Variants in TESC observed in about 807,000 individuals in gnomAD.
TESC encodes the protein calcineurin B homologous protein 3.
A neutral mutation model predicts 31.0 loss-of-function variants in TESC; 19 were observed. The ratio of observed to expected loss-of-function variants is 0.61; its 90% confidence interval spans 0.43 to 0.90. The LOEUF (loss-of-function observed/expected upper bound fraction) is 0.90, where lower values mean the gene tolerates loss of function less well. Ranked by LOEUF, TESC falls within the 40% of genes least tolerant of loss-of-function variation. The pLI is 0.00. For synonymous variants in TESC, 109 were observed against 114.8 expected (o/e 0.95, Z 0.32); for missense variants, 248 against 303.8 (o/e 0.82, Z 1.36).
At chr12:117,042,090 C>A (rs540390574) in intron 6 of TESC, 96 bp from the exon 7 acceptor site, 1 of 1,259,048 alleles carries the variant, frequency 7.9e-7, no homozygotes. Flanking sequence ...CCCACCAATA[C>A]CCAAATGTAA....
At chr12:117,089,208 G>C (rs1487948268) in intron 1 of TESC, among the ~76,000 whole-genome samples, 1 of 152,190 alleles carries the variant, frequency 6.6e-6, no homozygotes, top group African/African-American at 2.4e-5. Flanking sequence ...AAGTCTCTGT[G>C]GGGCAGGAGA....
intron 1 of TESC, among the ~76,000 whole-genome samples, chr12:117,080,424 C>T (rs1037199709): frequency 1.3e-5 from 2 of 152,140 alleles, no homozygotes; most frequent in Non-Finnish European, 2.9e-5. Context: ...GCCCAGATCG[C>T]ACCACTGCAC....
chr12:117,048,335 T>TA (rs1328574065), intron 4 of TESC, among the ~76,000 whole-genome samples: 3 of 152,222 alleles, frequency 2.0e-5, no homozygotes, highest in Non-Finnish European at 4.4e-5. Context: ...CAGCCCCGCA[T>TA]ACACATTCCA....
intron 1 of TESC, among the ~76,000 whole-genome samples, chr12:117,080,479 A>C (rs1448869043): frequency 2.0e-5 from 3 of 152,196 alleles, no homozygotes; most frequent in African/African-American, 7.2e-5. Context: ...ACACACGTGC[A>C]AATTCACATA....
chr12:117,078,853 T>A (rs577624438), intron 1 of TESC, among the ~76,000 whole-genome samples: 2 of 152,224 alleles, frequency 1.3e-5, no homozygotes, highest in Non-Finnish European at 2.9e-5. Flanking sequence ...TATGTATTAG[T>A]CTTGTAATGA....
At position 117,046,798 on chromosome 12, in the gene TESC, G is replaced by A; in HGVS notation, c.390C>T (p.Ile130=). 6.4e-7 allele frequency: 1 copy of A among 1,569,332 alleles called. No individual in the cohort carries two copies. The highest frequency in any genetic ancestry group is 1.9e-5 in the Admixed American group (1 of 52,912). The change falls in exon 5 of 8, where the codon ATC becomes ATT. Residue 130 remains isoleucine (I), a synonymous_variant. Transcript: ENST00000335209. ...TTACATTTCGATATTCTTCCAGAGT[G>A]ATGCGGCCGTCGCTGTCCGAGTCGT... ...HMYDSDSDGR[I]TLEEYRNVVE... is the part of the protein sequence containing the mutation.
chr12:117,048,615 T>TC (rs1211151664), intron 4 of TESC: 1 of 434,426 alleles, frequency 2.3e-6, no homozygotes, highest in African/African-American at 2.0e-5. Flanking sequence ...AGGGAGCGCT[T>TC]CCTGTGTGCC....
At chr12:117,063,066 T>C (rs141216493) in intron 2 of TESC, among the ~76,000 whole-genome samples, 2,594 of 152,290 alleles carry the variant, frequency 0.017, 37 homozygotes, top group South Asian at 0.039. Context: ...AGGGCTCGCG[T>C]GACATCAAGC....
chr12:117,050,118 A>G (rs916314687), intron 3 of TESC, among the ~76,000 whole-genome samples: 9 of 151,882 alleles, frequency 5.9e-5, no homozygotes, highest in Non-Finnish European at 1.2e-4. Context: ...CACATTTTTA[A>G]ATAGTTGAAA....
At chr12:117,041,888 C>T in intron 7 of TESC, 59 bp downstream of exon 7, 1 of 1,522,212 alleles carries the variant, frequency 6.6e-7, no homozygotes, top group East Asian at 2.5e-5. Flanking sequence ...CCCTCCTGAC[C>T]AGTGGGCCAC....
intron 2 of TESC, 52 bp downstream of exon 2, chr12:117,075,219 A>T: frequency 6.4e-7 from 1 of 1,571,996 alleles, no homozygotes; most frequent in Non-Finnish European, 8.7e-7. Context: ...CAGGACAAGA[A>T]ATTTGCAAGG....
intron 2 of TESC, among the ~76,000 whole-genome samples, chr12:117,069,821 G>A (rs1046180822): frequency 2.0e-5 from 3 of 152,228 alleles, no homozygotes; most frequent in African/African-American, 7.2e-5. Context: ...ACTTCTAAGT[G>A]CAACTTACAA....
intron 1 of TESC, among the ~76,000 whole-genome samples, chr12:117,077,816 G>C (rs1463129503): frequency 6.6e-6 from 1 of 152,110 alleles, no homozygotes; most frequent in Non-Finnish European, 1.5e-5. Flanking sequence ...AGTGCAAAGG[G>C]GAGTTCTGGG....
rs1481685060 is a variant in TESC, at chr12:117,099,380, G to GTCGGGACGCCGGCGAAGGC, written c.-117_-99dup. ...GGACTGGCCTCGGGTCCGGCCTCGG[G>GTCGGGACGCCGGCGAAGGC]TCGGGACGCCGGCGAAGGCTCGGAG... On this transcript the variant is annotated 5_prime_UTR_variant, in exon 1 of 8. Coordinates refer to ENST00000335209, the MANE Select transcript of TESC (RefSeq NM_017899.4). 8.2e-6 allele frequency: 10 copies of GTCGGGACGCCGGCGAAGGC among 1,212,922 alleles called. No homozygotes were observed. The highest frequency in any genetic ancestry group is 3.1e-4 in the Middle Eastern group (1 of 3,228). 75.1% of individuals were successfully genotyped at this position (1,212,922 alleles called of 1,614,324 possible).
chr12:117,060,457 T>C (rs1954787107), intron 2 of TESC, among the ~76,000 whole-genome samples: 1 of 152,166 alleles, frequency 6.6e-6, no homozygotes, highest in Non-Finnish European at 1.5e-5. Context: ...CTTGCCCTTT[T>C]TCCTCATTAG....
intron 3 of TESC, among the ~76,000 whole-genome samples, chr12:117,052,898 A>G (rs1954668195): frequency 2.0e-5 from 3 of 152,114 alleles, no homozygotes; most frequent in South Asian, 4.1e-4. Context: ...GCAAAATGCA[A>G]ATCAGAGCCT....
At chr12:117,091,679 C>G (rs1955311425) in intron 1 of TESC, among the ~76,000 whole-genome samples, 1 of 152,220 alleles carries the variant, frequency 6.6e-6, no homozygotes, top group Admixed American at 6.5e-5. Flanking sequence ...CCTGCCTCTT[C>G]CTCCCAGCCG....
At chr12:117,061,992 G>C (rs771450500) in intron 2 of TESC, among the ~76,000 whole-genome samples, 3 of 152,188 alleles carry the variant, frequency 2.0e-5, no homozygotes, top group Non-Finnish European at 2.9e-5. Flanking sequence ...ATAAGATGCT[G>C]AGTAGGCTGC....
chr12:117,063,669 G>A (rs1230505001), intron 2 of TESC, among the ~76,000 whole-genome samples: 1 of 152,166 alleles, frequency 6.6e-6, no homozygotes, highest in Non-Finnish European at 1.5e-5. Context: ...CACTGAGGGA[G>A]GCCACTTTGC....
Sources: gnomAD v4.1 joint callset for allele counts (sites outside exome capture counted in the v4.1 genomes callset) on GRCh38, gnomAD v4.1.1 for gene constraint, MANE v1.5 for transcripts, NCBI Gene and HGNC (gene_info 2026-07-23, HGNC 2026-07-21) for gene names.